ZMYM4: variants seen among roughly 807,000 people sequenced by gnomAD.
ZMYM4 encodes the protein zinc finger MYM-type containing 4.
Under a neutral mutation model 183.2 loss-of-function variants are expected in ZMYM4, and 31 were observed. That is an observed-to-expected ratio of 0.17 (90% confidence interval 0.13 to 0.23). The LOEUF is 0.23. Ranked by LOEUF, ZMYM4 falls within the 10% of genes least tolerant of loss-of-function variation. ZMYM4 has a pLI of 1.00. For missense variants in ZMYM4, 1,273 were observed against 1,840.3 expected, an observed-to-expected ratio of 0.69 and a Z score of 5.64; for synonymous variants, 592 against 631.2, an observed-to-expected ratio of 0.94 and a Z score of 0.93.
chr1:35,394,628 T>A (rs1307606330), intron 18 of ZMYM4, among the ~76,000 whole-genome samples: 1 of 152,212 alleles, frequency 6.6e-6, no homozygotes, highest in Non-Finnish European at 1.5e-5. Context: ...CTGTGATGGC[T>A]GAAATGTCAC....
At chr1:35,419,048 T>C (rs1051346194) in intron 29 of ZMYM4, among the ~76,000 whole-genome samples, 6 of 152,232 alleles carry the variant, frequency 3.9e-5, no homozygotes, top group African/African-American at 1.4e-4. Context: ...TGAGTGCCCT[T>C]GGAGTTCATT....
intron 6 of ZMYM4, 113 bp downstream of exon 6, chr1:35,370,226 T>C (rs1644174877): frequency 6.7e-7 from 1 of 1,488,284 alleles, no homozygotes; most frequent in Non-Finnish European, 9.0e-7. Flanking sequence ...TTAGGATGCC[T>C]TTAAATTGTA....
intron 2 of ZMYM4, chr1:35,350,927 G>A (rs1643582297): frequency 6.1e-6 from 4 of 654,258 alleles, no homozygotes; most frequent in Middle Eastern, 8.9e-4. Flanking sequence ...CCCTTATAGA[G>A]GGGGATATGA....
chr1:35,392,457 A>G (rs1484562266), intron 16 of ZMYM4, 105 bp downstream of exon 16: 13 of 1,420,324 alleles, frequency 9.2e-6, no homozygotes, highest in African/African-American at 4.3e-5. Flanking sequence ...GACACATTCA[A>G]TATTAGGAAT....
At chr1:35,304,808 C>A (rs959101043) in intron 1 of ZMYM4, among the ~76,000 whole-genome samples, 4 of 151,034 alleles carry the variant, frequency 2.6e-5, no homozygotes, top group Non-Finnish European at 5.9e-5. Flanking sequence ...TTTTTATGGT[C>A]CAGCATATAG....
At chr1:35,358,857 AGACT>A in intron 2 of ZMYM4, 64 bp from the exon 3 acceptor site, 1 of 1,328,210 alleles carries the variant, frequency 7.5e-7, no homozygotes, top group Non-Finnish European at 1.0e-6. Context: ...GTTAAATACC[AGACT>A]GACCTTATCA....
chr1:35,397,414 G>A lies in ZMYM4; in HGVS notation c.3068G>A (p.Ser1023Asn). 1 of 1,611,638 alleles carries A rather than the reference G, an allele frequency of 6.2e-7. No homozygotes were observed. The highest frequency in any genetic ancestry group is 8.5e-7 in the Non-Finnish European group (1 of 1,178,884). Residue 1023 changes from serine to asparagine, a missense_variant, in exon 20 of 30, where the codon AGT becomes AAT. Transcript: ENST00000314607. ...VPMLIPSSMD[S>N]EDKVTESIED... Reference sequence around the variant, plus strand: ...ATGCTTATTCCATCTTCAATGGATAGTGAAGATAAAGTCACAGAGAGTATT... The same window carrying A: ...ATGCTTATTCCATCTTCAATGGATAATGAAGATAAAGTCACAGAGAGTATT...
chr1:35,359,349 G>C lies in ZMYM4; in HGVS notation c.510G>C (p.Glu170Asp). 5 of 1,608,702 alleles carry C rather than the reference G, an allele frequency of 3.1e-6. No homozygotes were observed. The highest frequency in any genetic ancestry group is 4.2e-6 in the Non-Finnish European group (5 of 1,178,470). ...GCAAAGAGACATTTTCTGGAAAGGA[G>C]AAAAATAGAGACCTAACTTATGAAC... ...ENSKETFSGK[E>D]KNRDLTYERE... Residue 170 changes from glutamate (E) to aspartate (D), a missense_variant, in exon 3 of 30, where the codon GAG (glutamate) becomes GAC (aspartate). Around this residue, in one of 6 missense-constraint regions of ZMYM4, gnomAD observed 384 missense variants for 465.6 expected, o/e 0.82. Coordinates refer to ENST00000314607, the MANE Select transcript of ZMYM4 (RefSeq NM_005095.3).
chr1:35,369,707 A>T, intron 5 of ZMYM4, among the ~76,000 whole-genome samples: 1 of 151,860 alleles, frequency 6.6e-6, no homozygotes, highest in Non-Finnish European at 1.5e-5. Context: ...TTCTATAGTG[A>T]TTGTGTATTA....
At chr1:35,353,626 C>T (rs931458732) in intron 2 of ZMYM4, among the ~76,000 whole-genome samples, 3 of 152,172 alleles carry the variant, frequency 2.0e-5, no homozygotes, top group African/African-American at 7.2e-5. Flanking sequence ...TCAGGTGTTT[C>T]AGCTGCTGAG....
chr1:35,290,211 A>C (rs1203046883), intron 1 of ZMYM4, among the ~76,000 whole-genome samples: 4 of 151,416 alleles, frequency 2.6e-5, no homozygotes, highest in Non-Finnish European at 5.9e-5. Context: ...CAAGTGATCC[A>C]CCCGCCTTGG....
rs1643887745 is a variant in ZMYM4 at position 35,359,169 on chromosome 1, C to T, written c.330C>T (p.Ser110=). ...NLVSSIHTDD[S]LEVERRVTQH... ...TTTCTTCAATTCATACTGATGATAG[C>T]TTGGAAGTAGAGAGAAGAGTCACAC... Residue 110 remains serine (S), a synonymous_variant, in exon 3 of 30, where the codon AGC becomes AGT. Transcript: ENST00000314607. 8.7e-6 allele frequency: 14 copies of T among 1,613,490 alleles called. No individual in the cohort carries two copies. In the East Asian group the frequency reaches 3.1e-4, roughly 36 times the overall value.
chr1:35,384,695 G>T (rs1570491508), intron 9 of ZMYM4, among the ~76,000 whole-genome samples: 2 of 152,050 alleles, frequency 1.3e-5, no homozygotes, highest in Admixed American at 1.3e-4. Flanking sequence ...CACCTTTGGA[G>T]GGGGTTATTT....
At chr1:35,407,262 C>T (rs1645019450) in intron 25 of ZMYM4, among the ~76,000 whole-genome samples, 2 of 151,904 alleles carry the variant, frequency 1.3e-5, no homozygotes, top group African/African-American at 4.8e-5. Flanking sequence ...GGAGAAACCC[C>T]GTCTCTACTA....
intron 20 of ZMYM4, 121 bp downstream of exon 20, chr1:35,397,666 AGCCTGT>A: frequency 1.2e-6 from 1 of 801,678 alleles, no homozygotes; most frequent in Non-Finnish European, 1.8e-6. Flanking sequence ...GTGAATACCA[AGCCTGT>A]GGGGTTGATT....
At chr1:35,388,705 TG>T (rs1327546844) in intron 13 of ZMYM4, among the ~76,000 whole-genome samples, 2 of 152,142 alleles carry the variant, frequency 1.3e-5, no homozygotes, top group Non-Finnish European at 1.5e-5. Flanking sequence ...TTCTTTTTTT[TG>T]TTTTTGTTTT....
chr1:35,349,710 A>G (rs1173012520), intron 2 of ZMYM4, among the ~76,000 whole-genome samples: 1 of 151,658 alleles, frequency 6.6e-6, no homozygotes, highest in Non-Finnish European at 1.5e-5. Context: ...GGCACCTGTA[A>G]TCCCAGCTGC....
intron 1 of ZMYM4, chr1:35,308,931 C>G: frequency 1.9e-5 from 19 of 979,168 alleles, no homozygotes; most frequent in Non-Finnish European, 2.2e-5. Flanking sequence ...AACAATAATA[C>G]CAAATAATTG....
chr1:35,317,250 T>C (rs1642088519), intron 1 of ZMYM4, among the ~76,000 whole-genome samples: 2 of 151,956 alleles, frequency 1.3e-5, no homozygotes, highest in Admixed American at 6.6e-5. Context: ...TTGGCCAACA[T>C]GGTGAAACCC....
Sources: gnomAD v4.1 joint callset for allele counts (sites outside exome capture counted in the v4.1 genomes callset) on GRCh38, gnomAD v4.1.1 for gene constraint, gnomAD v4.1.1 regional missense constraint, MANE v1.5 for transcripts, NCBI Gene and HGNC (gene_info 2026-07-23, HGNC 2026-07-21) for gene names.